MARCHF10: variants seen among roughly 807,000 people sequenced by gnomAD.
MARCHF10 encodes the protein membrane associated ring-CH-type finger 10.
Under a neutral mutation model 76.2 loss-of-function variants are expected in MARCHF10, and 64 were observed. The observed-to-expected ratio is 0.84, with a 90% confidence interval of 0.69 to 1.03. The LOEUF is 1.03. Ranked by LOEUF, MARCHF10 falls within the 50% of genes least tolerant of loss-of-function variation. MARCHF10 has a pLI of 0.00. For missense variants in MARCHF10, 875 were observed against 958.0 expected, an observed-to-expected ratio of 0.91 and a Z score of 1.14; for synonymous variants, 340 against 357.5, an observed-to-expected ratio of 0.95 and a Z score of 0.55.
At chr17:62,719,762 C>G (rs2090390952) in intron 8 of MARCHF10, among the ~76,000 whole-genome samples, 1 of 152,078 alleles carries the variant, frequency 6.6e-6, no homozygotes, top group Non-Finnish European at 1.5e-5. Context: ...CTGTTCCTTT[C>G]TCTCTTTATT....
Position 62,717,051 on chromosome 17 carries a change from C to T in MARCHF10, c.2214+5437G>A, listed in dbSNP as rs768821013. ...TCCCCTCAGTGGGCTCACCGCGCCT[C>T]GGGGACGAGCTGAGTTTCAGTGACG... On this transcript the variant is annotated intron_variant, in intron 8 of 10. Coordinates refer to ENST00000311269, the MANE Select transcript of MARCHF10 (RefSeq NM_152598.4). Among the ~76,000 whole-genome samples, 6 of 152,260 alleles carry T rather than the reference C, an allele frequency of 3.9e-5. 1 individual carries two copies. In the South Asian group the frequency reaches 6.2e-4, roughly 16 times the overall value.
intron 3 of MARCHF10, among the ~76,000 whole-genome samples, chr17:62,782,106 G>A (rs755564347): frequency 6.6e-5 from 10 of 152,112 alleles, no homozygotes; most frequent in African/African-American, 2.4e-4. Context: ...TCTGATTGAC[G>A]GAGAATCTTT....
At chr17:62,714,438 A>G in intron 8 of MARCHF10, 1 of 985,020 alleles carries the variant, frequency 1.0e-6, no homozygotes, top group Non-Finnish European at 1.2e-6. Context: ...ACATCCTACA[A>G]GAGACAAGAT....
intron 2 of MARCHF10, among the ~76,000 whole-genome samples, chr17:62,799,142 T>C (rs1361661696): frequency 1.3e-5 from 2 of 152,180 alleles, no homozygotes; most frequent in Non-Finnish European, 2.9e-5. Context: ...GACAAGTAAA[T>C]GTGTTGACGT....
At chr17:62,795,902 T>C (rs1230377732) in intron 2 of MARCHF10, among the ~76,000 whole-genome samples, 1 of 152,074 alleles carries the variant, frequency 6.6e-6, no homozygotes, top group Non-Finnish European at 1.5e-5. Context: ...TGATCCAGAG[T>C]GCCAATATCC....
chr17:62,708,657 G>A (rs1183502891), intron 9 of MARCHF10, among the ~76,000 whole-genome samples: 1 of 152,200 alleles, frequency 6.6e-6, no homozygotes, highest in African/African-American at 2.4e-5. Flanking sequence ...AAGAGATAAA[G>A]GTTCCCGTGC....
intron 4 of MARCHF10, among the ~76,000 whole-genome samples, chr17:62,749,512 C>A (rs1488390569): frequency 6.6e-6 from 1 of 152,186 alleles, no homozygotes; most frequent in Non-Finnish European, 1.5e-5. Flanking sequence ...ATCGCAGGAG[C>A]CAATGTTGCC....
intron 2 of MARCHF10, among the ~76,000 whole-genome samples, chr17:62,789,764 C>G (rs988825227): frequency 2.0e-5 from 3 of 152,024 alleles, no homozygotes; most frequent in African/African-American, 7.3e-5. Flanking sequence ...ATAGTGAAAC[C>G]CTGTTTCTAC....
At chr17:62,720,507 G>A (rs1410307121) in intron 8 of MARCHF10, among the ~76,000 whole-genome samples, 3 of 152,206 alleles carry the variant, frequency 2.0e-5, no homozygotes, top group Non-Finnish European at 2.9e-5. Flanking sequence ...ATGGCGCTCT[G>A]ATAAAACCTC....
intron 6 of MARCHF10, among the ~76,000 whole-genome samples, chr17:62,729,584 A>G (rs909490742): frequency 1.4e-4 from 21 of 148,738 alleles, no homozygotes; most frequent in Admixed American, 6.7e-4. Context: ...ATATAAATAT[A>G]TATATATTTT....
Position 62,801,744 on chromosome 17 carries a change from A to G in MARCHF10, c.-9T>C. 1 of 1,611,388 alleles carries G rather than the reference A, an allele frequency of 6.2e-7. No individual in the cohort carries two copies. The highest frequency in any genetic ancestry group is 8.5e-7 in the Non-Finnish European group (1 of 1,177,544). On this transcript the variant is annotated 5_prime_UTR_variant, in exon 2 of 11. Transcript: ENST00000311269. ...CTTGCGTCATGCAACATGATTCCTA[A>G]TCCCTGACCTGCACAGAAAAGATAA...
intron 3 of MARCHF10, among the ~76,000 whole-genome samples, chr17:62,786,251 A>T (rs570305674): frequency 6.6e-6 from 1 of 152,264 alleles, no homozygotes; most frequent in East Asian, 1.9e-4. Flanking sequence ...ATGAAGCTGG[A>T]AACCATCATT....
At chr17:62,761,749 G>A (rs984329749) in intron 3 of MARCHF10, among the ~76,000 whole-genome samples, 10 of 152,244 alleles carry the variant, frequency 6.6e-5, no homozygotes, top group African/African-American at 2.4e-4. Flanking sequence ...CTGAACATGA[G>A]ATAGGTTCTC....
intron 8 of MARCHF10, among the ~76,000 whole-genome samples, chr17:62,721,016 C>T (rs1392708844): frequency 2.6e-5 from 4 of 151,882 alleles, no homozygotes; most frequent in South Asian, 2.1e-4. Flanking sequence ...TACAGGCATG[C>T]GCCACCACGC....
At chr17:62,706,367 T>G (rs887205143) in intron 9 of MARCHF10, 1 of 152,180 alleles carries the variant, frequency 6.6e-6, no homozygotes, top group East Asian at 1.9e-4. Context: ...CTGCCTCCGT[T>G]TTCTCTGGGC....
intron 1 of MARCHF10, among the ~76,000 whole-genome samples, chr17:62,805,537 C>T (rs1258567574): frequency 6.6e-6 from 1 of 152,190 alleles, no homozygotes; most frequent in Non-Finnish European, 1.5e-5. Context: ...AAGGAGGCTT[C>T]TAAGTCAAGA....
intron 10 of MARCHF10, among the ~76,000 whole-genome samples, chr17:62,703,080 C>T (rs924244191): frequency 6.6e-6 from 1 of 152,226 alleles, no homozygotes; most frequent in Non-Finnish European, 1.5e-5. Context: ...CCTGGGCACA[C>T]CCAGGGACTC....
intron 3 of MARCHF10, among the ~76,000 whole-genome samples, chr17:62,778,682 C>CA (rs71357038): frequency 0.075 from 7,530 of 100,676 alleles, 366 homozygotes; most frequent in Admixed American, 0.13. Flanking sequence ...GACTCTGTCT[C>CA]AAAAAAAAAA....
intron 8 of MARCHF10, among the ~76,000 whole-genome samples, chr17:62,715,096 T>C (rs1425987679): frequency 6.6e-6 from 1 of 151,952 alleles, no homozygotes; most frequent in African/African-American, 2.4e-5. Flanking sequence ...TGGACTGGAG[T>C]GGGCCCAAGA....
Sources: gnomAD v4.1 joint callset for allele counts (sites outside exome capture counted in the v4.1 genomes callset) on GRCh38, gnomAD v4.1.1 for gene constraint, MANE v1.5 for transcripts, NCBI Gene and HGNC (gene_info 2026-07-23, HGNC 2026-07-21) for gene names.